BRINP3: variants seen among roughly 807,000 people sequenced by gnomAD.
BRINP3 encodes BMP/retinoic acid inducible neural specific 3.
Under a neutral mutation model 71.0 loss-of-function variants are expected in BRINP3, and 19 were observed. The ratio of observed to expected loss-of-function variants is 0.27; its 90% CI spans 0.19 to 0.39. The LOEUF (loss-of-function observed/expected upper bound fraction) is 0.39. BRINP3 is among the 10% of genes least tolerant of loss of function. The pLI is 1.00. For synonymous variants in BRINP3, 380 were observed against 337.7 expected (o/e 1.13, Z -1.37); for missense variants, 959 against 940.8 (o/e 1.02, Z -0.25).
At chr1:190,158,663 C>T (rs1202362923) in intron 7 of BRINP3, among the ~76,000 whole-genome samples, 1 of 151,342 alleles carries the variant, frequency 6.6e-6, no homozygotes, top group Non-Finnish European at 1.5e-5. Context: ...TGAAAATTCT[C>T]AAATTAATAA....
chr1:190,298,792 G>T (rs1265320340), intron 2 of BRINP3, among the ~76,000 whole-genome samples: 1 of 152,064 alleles, frequency 6.6e-6, no homozygotes, highest in African/African-American at 2.4e-5. Context: ...TTTGGTTAAA[G>T]AGTTCTATAT....
intron 4 of BRINP3, among the ~76,000 whole-genome samples, chr1:190,259,034 CTAGATGGTTTCACCACTAAAT>C (rs1404113829): frequency 5.9e-5 from 9 of 152,120 alleles, no homozygotes; most frequent in Middle Eastern, 6.8e-3. Flanking sequence ...AAGTTCACAT[CTAGATGGTTTCACCACTAAAT>C]TCAACCAAAA....
chr1:190,336,284 T>A (rs1336854410), intron 2 of BRINP3, among the ~76,000 whole-genome samples: 1 of 152,072 alleles, frequency 6.6e-6, no homozygotes, highest in Non-Finnish European at 1.5e-5. Context: ...TTTACTAAGA[T>A]CATTTTGATG....
chr1:190,450,335 T>A (rs1446381027), intron 2 of BRINP3, among the ~76,000 whole-genome samples: 1 of 152,206 alleles, frequency 6.6e-6, no homozygotes, highest in African/African-American at 2.4e-5. Context: ...TTTGCTAGTC[T>A]TATAACTTTT....
At chr1:190,253,764 G>A (rs922861736) in intron 4 of BRINP3, among the ~76,000 whole-genome samples, 18 of 152,244 alleles carry the variant, frequency 1.2e-4, no homozygotes, top group African/African-American at 3.4e-4. Context: ...TGGCCTTGCC[G>A]AAGTTCTTTA....
At chr1:190,464,978 T>TA (rs1676642896) in intron 1 of BRINP3, among the ~76,000 whole-genome samples, 1 of 151,976 alleles carries the variant, frequency 6.6e-6, no homozygotes. Flanking sequence ...ATCCTGTCAA[T>TA]ACAGTCTTGT....
In BRINP3 at chr1:190,261,081, TAAC is replaced by T. The variant is rs541964327; in HGVS notation, c.618+3781_618+3783del. ...AGTGCATTATTTCTAAAAATTAAAATAACAAGAAAATTCTCTTTGAAAATATGT... is the reference window on the plus strand; with the variant it reads ...AGTGCATTATTTCTAAAAATTAAAATAAGAAAATTCTCTTTGAAAATATGT... On this transcript the variant is annotated intron_variant, in intron 4 of 7. Transcript: ENST00000367462. 4.0e-3 allele frequency among the ~76,000 whole-genome samples: 612 copies of T among 152,148 alleles called. 1 individual carries two copies. Among genetic ancestry groups the T allele is most frequent in the Admixed American group, 0.011 (174 of 15,288 alleles).
At chr1:190,184,932 C>T (rs1050063555) in intron 6 of BRINP3, among the ~76,000 whole-genome samples, 1 of 151,992 alleles carries the variant, frequency 6.6e-6, no homozygotes, top group Non-Finnish European at 1.5e-5. Flanking sequence ...AATGAAATCC[C>T]TACCATATTC....
intron 7 of BRINP3, among the ~76,000 whole-genome samples, chr1:190,147,253 A>C (rs972521174): frequency 2.0e-5 from 3 of 152,130 alleles, no homozygotes; most frequent in Non-Finnish European, 4.4e-5. Context: ...TTTTCAAATT[A>C]TGTAGATTCA....
chr1:190,253,102 T>A (rs1443362386), intron 4 of BRINP3, among the ~76,000 whole-genome samples: 1 of 152,160 alleles, frequency 6.6e-6, no homozygotes, highest in East Asian at 1.9e-4. Context: ...GCAAAGGACA[T>A]GAACTCATCA....
intron 6 of BRINP3, among the ~76,000 whole-genome samples, chr1:190,167,123 T>C (rs1332046339): frequency 6.6e-6 from 1 of 152,098 alleles, no homozygotes; most frequent in East Asian, 1.9e-4. Context: ...TTTATCCGAT[T>C]TTGGATTTTG....
chr1:190,281,818 T>G, intron 2 of BRINP3, 68 bp from the exon 3 acceptor site: 1 of 1,466,012 alleles, frequency 6.8e-7, no homozygotes, highest in South Asian at 1.3e-5. Context: ...TGAGTTCACT[T>G]GGTAGCTGGG....
chr1:190,186,951 G>A (rs1006689905), intron 6 of BRINP3, among the ~76,000 whole-genome samples: 2 of 152,132 alleles, frequency 1.3e-5, no homozygotes, highest in African/African-American at 2.4e-5. Context: ...AAATAGATCT[G>A]TATCTTCCTT....
intron 2 of BRINP3, among the ~76,000 whole-genome samples, chr1:190,359,488 C>T (rs114505125): frequency 2.8e-3 from 422 of 152,108 alleles, no homozygotes; most frequent in African/African-American, 9.3e-3. Context: ...TCGCAGGGTA[C>T]GATGGCATGC....
chr1:190,251,867 T>C (rs1465098014), intron 4 of BRINP3, among the ~76,000 whole-genome samples: 1 of 145,634 alleles, frequency 6.9e-6, no homozygotes, highest in Non-Finnish European at 1.5e-5. Flanking sequence ...AACCAACAAA[T>C]AGTTTCCTTA....
chr1:190,217,652 T>G (rs1011423952), intron 6 of BRINP3, among the ~76,000 whole-genome samples: 11 of 152,056 alleles, frequency 7.2e-5, no homozygotes, highest in African/African-American at 2.7e-4. Flanking sequence ...GCTAAATACA[T>G]TTGACCACTG....
intron 2 of BRINP3, among the ~76,000 whole-genome samples, chr1:190,397,645 T>A (rs1009909696): frequency 6.6e-6 from 1 of 152,040 alleles, no homozygotes; most frequent in Non-Finnish European, 1.5e-5. Flanking sequence ...ATGTGAAATT[T>A]AGATATCACC....
At chr1:190,401,623 G>A (rs1037938808) in intron 2 of BRINP3, among the ~76,000 whole-genome samples, 21 of 151,970 alleles carry the variant, frequency 1.4e-4, no homozygotes, top group Admixed American at 1.4e-3. Context: ...ACACATGTGG[G>A]ATGAACAAGA....
At position 190,312,590 on chromosome 1, in the gene BRINP3, A is replaced by G. The variant is rs185984880; in HGVS notation, c.237-30840T>C. The stretch of plus-strand genomic sequence containing the variant: ...GAAATAGACCTTAAGATGTGTTATC[A>G]ATATTCGCAGGCTTTCTTATGATTT... On this transcript the variant is annotated intron_variant, in intron 2 of 7. Coordinates refer to ENST00000367462, the MANE Select transcript of BRINP3 (RefSeq NM_199051.3). Among the ~76,000 whole-genome samples, 230 of 151,818 alleles carry G rather than the reference A, an allele frequency of 1.5e-3. 1 individual carries two copies. The highest frequency in any genetic ancestry group is 5.2e-3 in the African/African-American group (214 of 41,506).
Sources: allele counts gnomAD v4.1 joint callset (sites outside exome capture counted in the v4.1 genomes callset), GRCh38; gene constraint gnomAD v4.1.1; transcripts MANE v1.5; gene names NCBI Gene and HGNC (gene_info 2026-07-23, HGNC 2026-07-21).